CNNM4: variants seen among roughly 807,000 people sequenced by gnomAD.
CNNM4 encodes the protein cyclin and CBS domain divalent metal cation transport mediator 4.
CNNM4 carries 32 observed loss-of-function variants against 53.7 expected under a neutral mutation model. The ratio of observed to expected loss-of-function variants is 0.60; its 90% CI spans 0.45 to 0.80. The LOEUF is 0.80. Among genes scored for constraint, CNNM4 ranks in the 30% least tolerant of loss-of-function variants. CNNM4 has a pLI of 0.00. For missense variants in CNNM4, 784 were observed against 1,022.0 expected (o/e 0.77, Z 3.17); for synonymous variants, 410 against 440.0 (o/e 0.93, Z 0.85).
At chr2:96,775,963 C>T (rs1436892603) in intron 1 of CNNM4, among the ~76,000 whole-genome samples, 1 of 151,542 alleles carries the variant, frequency 6.6e-6, no homozygotes, top group Non-Finnish European at 1.5e-5. Flanking sequence ...TGGCCTCAAA[C>T]CATCTTCCCT....
At chr2:96,807,786 G>T (rs918863775) in intron 5 of CNNM4, among the ~76,000 whole-genome samples, 116 of 152,278 alleles carry the variant, frequency 7.6e-4, no homozygotes, top group African/African-American at 2.7e-3. Flanking sequence ...TATTCACAGA[G>T]AGAGAGTGCA....
intron 1 of CNNM4, among the ~76,000 whole-genome samples, chr2:96,782,688 G>A (rs558028639): frequency 6.6e-6 from 1 of 152,098 alleles, no homozygotes; most frequent in Non-Finnish European, 1.5e-5. Flanking sequence ...AATGATTTTA[G>A]TAGTTTGTAA....
chr2:96,768,466 A>T (rs954988310), intron 1 of CNNM4, among the ~76,000 whole-genome samples: 1 of 152,176 alleles, frequency 6.6e-6, no homozygotes, highest in African/African-American at 2.4e-5. Flanking sequence ...CGTGGGGCTG[A>T]GGGAGGGCAG....
chr2:96,799,147 A>T lies in CNNM4; in HGVS notation c.1772A>T (p.Asp591Val). 1 of 1,614,084 alleles carries T rather than the reference A, an allele frequency of 6.2e-7. No individual in the cohort carries two copies. Among genetic ancestry groups the T allele is most frequent in the Non-Finnish European group, 8.5e-7 (1 of 1,179,998 alleles). The stretch of plus-strand genomic sequence containing the variant: ...GATGTCATTCAGGAACTCAAGTTTG[A>T]CGAGCACAATAAGTACTACGCCCGC... The part of the protein sequence containing the change: ...YPDVIQELKF[D>V]EHNKYYARHY... Residue 591 changes from aspartate to valine, a missense_variant, in exon 4 of 7, where the codon GAC becomes GTC. Asp to Val is a radical substitution (Grantham distance 152). Coordinates refer to ENST00000377075, the MANE Select transcript of CNNM4 (RefSeq NM_020184.4).
intron 6 of CNNM4, 107 bp from the exon 7 acceptor site, chr2:96,809,213 G>C: frequency 6.4e-7 from 1 of 1,558,222 alleles, no homozygotes; most frequent in African/African-American, 1.4e-5. Flanking sequence ...GACTGGTCAT[G>C]TTCTCTCTCA....
chr2:96,796,949 T>C, intron 1 of CNNM4, 63 bp from the exon 2 acceptor site: 1 of 1,565,814 alleles, frequency 6.4e-7, no homozygotes, highest in Non-Finnish European at 8.7e-7. Context: ...GTTAATGTTT[T>C]GGTTGAGGGA....
chr2:96,764,237 G>A (rs1265590287), intron 1 of CNNM4, among the ~76,000 whole-genome samples: 2 of 152,138 alleles, frequency 1.3e-5, no homozygotes, highest in African/African-American at 4.8e-5. Context: ...GTCTTGAGAG[G>A]GCTGTCTTTG....
intron 1 of CNNM4, among the ~76,000 whole-genome samples, chr2:96,783,757 C>T (rs770337123): frequency 2.6e-5 from 4 of 152,106 alleles, no homozygotes; most frequent in Admixed American, 6.6e-5. Flanking sequence ...ATGGCAAAAA[C>T]GGGGAGAAGG....
chr2:96,779,012 A>G (rs1224039322), intron 1 of CNNM4, among the ~76,000 whole-genome samples: 1 of 151,986 alleles, frequency 6.6e-6, no homozygotes, highest in Non-Finnish European at 1.5e-5. Context: ...GCTGGAGTGC[A>G]GTGGCGCGAT....
intron 1 of CNNM4, among the ~76,000 whole-genome samples, chr2:96,780,249 A>G (rs1384368561): frequency 6.6e-6 from 1 of 152,002 alleles, no homozygotes; most frequent in Non-Finnish European, 1.5e-5. Context: ...GGTGATCATA[A>G]ATGAGGGCTC....
intron 1 of CNNM4, among the ~76,000 whole-genome samples, chr2:96,766,313 G>A (rs905054118): frequency 6.6e-6 from 1 of 151,872 alleles, no homozygotes; most frequent in African/African-American, 2.4e-5. Context: ...GACCTCAAGC[G>A]ATCTGCCCAC....
chr2:96,764,805 G>A (rs1254150971), intron 1 of CNNM4, among the ~76,000 whole-genome samples: 1 of 151,990 alleles, frequency 6.6e-6, no homozygotes, highest in Non-Finnish European at 1.5e-5. Flanking sequence ...GGCTAACATG[G>A]TGAAACCCCG....
In CNNM4 at chr2:96,801,461, C is replaced by T. The variant is rs539000912; in HGVS notation, c.1948+1813C>T. On this transcript the variant is annotated intron_variant, in intron 5 of 6. Transcript: ENST00000377075. The surrounding 1 kb of genome is among the most constrained non-coding windows in gnomAD (Gnocchi z 5.6). ...AGTGAGAGACCACATGCAGAGAGAC[C>T]GCACACACAGAGAGAGACCACACAC... 5.9e-5 allele frequency among the ~76,000 whole-genome samples: 9 copies of T among 151,472 alleles called. No individual in the cohort carries two copies. Among genetic ancestry groups the T allele is most frequent in the African/African-American group, 1.9e-4 (8 of 41,262 alleles).
At position 96,809,434 on chromosome 2, in the gene CNNM4, C is replaced by G. The variant is rs1172920383; in HGVS notation, c.2245C>G (p.Leu749Val). The G allele has an allele frequency of 6.2e-7, 1 of 1,614,214 alleles. No homozygotes were observed. Among genetic ancestry groups the G allele is most frequent in the Non-Finnish European group, 8.5e-7 (1 of 1,180,036 alleles). Residue 749 changes from leucine to valine, a missense_variant, in exon 7 of 7, where the codon CTG becomes GTG. Physicochemically the swap from Leu to Val is conservative, Grantham distance 32. Coordinates refer to ENST00000377075, the MANE Select transcript of CNNM4 (RefSeq NM_020184.4). ...HMENLAEKSE[L>V]PVVDETTTLL... Reference sequence around the variant, plus strand: ...GGAGAACTTGGCCGAGAAGTCTGAGCTGCCTGTGGTGGACGAGACCACAAC... The same window carrying G: ...GGAGAACTTGGCCGAGAAGTCTGAGGTGCCTGTGGTGGACGAGACCACAAC...
intron 1 of CNNM4, among the ~76,000 whole-genome samples, chr2:96,790,606 G>T (rs1425693326): frequency 6.6e-6 from 1 of 150,460 alleles, no homozygotes; most frequent in East Asian, 2.0e-4. Flanking sequence ...CGCCTGCCTC[G>T]GCCTCCCAAA....
rs747827236 is a variant in CNNM4 at position 96,761,066 on chromosome 2, G to A, written c.67G>A (p.Ala23Thr). The A allele has an allele frequency of 4.7e-6, 6 of 1,270,332 alleles. No homozygotes were observed. Among genetic ancestry groups the A allele is most frequent in the Non-Finnish European group, 6.0e-6 (6 of 1,004,392 alleles). 78.7% of individuals were successfully genotyped at this position (1,270,332 alleles called of 1,614,324 possible). ...GPARGRLLLA[A>T]PVLLVLLWAL... ...GGCCCGCGGGCGCCTCCTCCTGGCG[G>A]CGCCGGTGCTGCTGGTGCTGCTGTG... Residue 23 changes from alanine (A) to threonine (T), a missense_variant, in exon 1 of 7, where the codon GCG becomes ACG. Ala to Thr is a moderately conservative substitution (Grantham distance 58). Coordinates refer to ENST00000377075, the MANE Select transcript of CNNM4 (RefSeq NM_020184.4). This position sits in a 1 kb window ranked among gnomAD's most constrained non-coding sequence, Gnocchi z 6.0.
Position 96,762,055 on chromosome 2 carries a change from T to G in CNNM4, c.1056T>G (p.Asn352Lys), listed in dbSNP as rs2078769539. 6.2e-7 allele frequency: 1 copy of G among 1,614,158 alleles called. No homozygotes were observed. The highest frequency in any genetic ancestry group is 8.5e-7 in the Non-Finnish European group (1 of 1,180,036). ...MEMLKVTEPY[N>K]DLVKEELNMI... ...TGTTGAAGGTGACGGAGCCCTATAATGACCTCGTGAAAGAGGAGCTCAATA... is the reference window on the plus strand; with the variant it reads ...TGTTGAAGGTGACGGAGCCCTATAAGGACCTCGTGAAAGAGGAGCTCAATA... The change falls in exon 1 of 7, where the codon AAT becomes AAG. Residue 352 changes from asparagine to lysine, a missense_variant. Asn to Lys is a moderately conservative substitution (Grantham distance 94). Transcript: ENST00000377075.
chr2:96,771,601 C>T (rs2078870319), intron 1 of CNNM4, among the ~76,000 whole-genome samples: 1 of 151,692 alleles, frequency 6.6e-6, no homozygotes, highest in African/African-American at 2.4e-5. Flanking sequence ...GTAATCCCAA[C>T]TACTTGGGAG....
Position 96,761,473 on chromosome 2 carries a change from G to T in CNNM4, c.474G>T (p.Gly158=), listed in dbSNP as rs532668909. The change falls in exon 1 of 7, where the codon GGG becomes GGT. Residue 158 remains glycine, a synonymous_variant. Transcript: ENST00000377075. The surrounding 1 kb of genome is among the most constrained non-coding windows in gnomAD (Gnocchi z 6.0). ...TGTGCACCCGGGCCCAGCCCGACGG[G>T]CCCTGGCTGAAGTGGACGGACAAGG... is the stretch of plus-strand genomic sequence containing the variant. ...YALCTRAQPD[G]PWLKWTDKDS... is the part of the protein sequence containing the mutation. 1.9e-6 allele frequency: 3 copies of T among 1,614,150 alleles called. No individual in the cohort carries two copies. The highest frequency in any genetic ancestry group is 1.7e-5 in the Admixed American group (1 of 60,028).
Sources: gnomAD v4.1 joint callset for allele counts (sites outside exome capture counted in the v4.1 genomes callset) on GRCh38, gnomAD v4.1.1 for gene constraint, Gnocchi (gnomAD v3.1) non-coding constraint, MANE v1.5 for transcripts, NCBI Gene and HGNC (gene_info 2026-07-23, HGNC 2026-07-21) for gene names.